SCN1A: variants seen among roughly 807,000 people sequenced by gnomAD.
SCN1A encodes the protein sodium voltage-gated channel alpha subunit 1.
Under a neutral mutation model 193.7 loss-of-function variants are expected in SCN1A, and 13 were observed. That is an observed-to-expected ratio of 0.07 (90% CI 0.04 to 0.11). The LOEUF is 0.11. SCN1A is among the 10% of genes least tolerant of loss of function. SCN1A has a pLI of 1.00. For synonymous variants in SCN1A, 781 were observed against 843.6 expected (o/e 0.93, Z 1.29); for missense variants, 1,432 against 2,451.1 (o/e 0.58, Z 8.78).
At chr2:166,020,288 C>T (rs1324478197) in intron 19 of SCN1A, among the ~76,000 whole-genome samples, 2 of 152,118 alleles carry the variant, frequency 1.3e-5, no homozygotes, top group Admixed American at 6.5e-5. Context: ...GTAATAATTG[C>T]TCTCTTATTT....
chr2:166,002,763 A>G lies in SCN1A; in HGVS notation c.4003-10T>C. On this transcript the variant is annotated splice_polypyrimidine_tract_variant and intron_variant, in intron 23 of 28. Coordinates refer to ENST00000674923, the MANE Select transcript of SCN1A (RefSeq NM_001165963.4). ...GGGCATTCACAACCACCTAATACAC[A>G]AATGGAAAAAAAGAAAAGTCAGAAT... The G allele has an allele frequency of 6.3e-7, 1 of 1,596,908 alleles. No homozygotes were observed. The highest frequency in any genetic ancestry group is 8.5e-7 in the Non-Finnish European group (1 of 1,173,906).
intron 3 of SCN1A, 98 bp from the exon 4 acceptor site, chr2:166,073,768 C>G: frequency 1.1e-6 from 1 of 900,478 alleles, no homozygotes; most frequent in Non-Finnish European, 1.6e-6. Context: ...GATTTAAAGT[C>G]TGTTTTCTCC....
At chr2:166,068,272 T>C (rs899672504) in intron 4 of SCN1A, among the ~76,000 whole-genome samples, 2 of 152,204 alleles carry the variant, frequency 1.3e-5, no homozygotes, top group Non-Finnish European at 2.9e-5. Flanking sequence ...CCTATAGATA[T>C]GGCAGATACT....
At chr2:166,075,841 T>C (rs1353985486) in intron 3 of SCN1A, among the ~76,000 whole-genome samples, 1 of 152,026 alleles carries the variant, frequency 6.6e-6, no homozygotes, top group Non-Finnish European at 1.5e-5. Flanking sequence ...TATCATATTT[T>C]TGATATTTCC....
At chr2:166,037,664 T>TTA (rs1696571769) in intron 18 of SCN1A, 112 bp downstream of exon 18, 4 of 944,954 alleles carry the variant, frequency 4.2e-6, no homozygotes, top group South Asian at 2.9e-5. Flanking sequence ...TCTTTTTTTT[T>TTA]ATTATACTTT....
Position 166,050,424 on chromosome 2 carries a change from C to T in SCN1A, c.964+1295G>A, listed in dbSNP as rs933113946. Among the ~76,000 whole-genome samples the T allele has an allele frequency of 2.0e-5, 3 of 150,366 alleles. No homozygotes were observed. The East Asian group carries it at 5.8e-4, about 29-fold the overall frequency. On this transcript the variant is annotated intron_variant, in intron 9 of 28. Coordinates refer to ENST00000674923, the MANE Select transcript of SCN1A (RefSeq NM_001165963.4). ...CTTCGAGTATTGGAAAAATGCAGTC[C>T]AATAAATTTTCCCTAGAGAGAATAA...
intron 1 of SCN1A, among the ~76,000 whole-genome samples, chr2:166,144,545 T>C (rs138793075): frequency 6.6e-6 from 1 of 151,950 alleles, no homozygotes; most frequent in African/African-American, 2.4e-5. Context: ...AAGCATATGA[T>C]ACGAATAAAT....
intron 5 of SCN1A, among the ~76,000 whole-genome samples, chr2:166,058,365 T>C (rs1011551057): frequency 8.6e-5 from 13 of 151,932 alleles, no homozygotes; most frequent in African/African-American, 2.7e-4. Context: ...TTATATATAA[T>C]ATATAAAATG....
chr2:166,087,174 A>G (rs1242090531), intron 2 of SCN1A, among the ~76,000 whole-genome samples: 1 of 151,746 alleles, frequency 6.6e-6, no homozygotes, highest in African/African-American at 2.4e-5. Context: ...TGAAAAAAAA[A>G]AAAAAAGAGC....
chr2:166,118,302 C>CTTTTTTT lies in SCN1A; in HGVS notation c.-142+8615_-142+8621dup, dbSNP rs61002916. 3.7e-5 allele frequency among the ~76,000 whole-genome samples: 3 copies of CTTTTTTT among 81,110 alleles called. 1 individual carries two copies. The highest frequency in any genetic ancestry group is 5.1e-5 in the African/African-American group (1 of 19,788). The allele number at this position is 81,110 out of a possible 152,430, so 53.2% of individuals were successfully genotyped here. On this transcript the variant is annotated intron_variant, in intron 2 of 28. Coordinates refer to ENST00000674923, the MANE Select transcript of SCN1A (RefSeq NM_001165963.4). Reference sequence around the variant, plus strand: ...TTGCTTACTGATTTCTATTTAGTTTCTTTTTTTTTTTTTTTTTTTTTTTTT... The same window carrying CTTTTTTT: ...TTGCTTACTGATTTCTATTTAGTTTCTTTTTTTTTTTTTTTTTTTTTTTTTTTTTTTT...
chr2:166,089,080 A>G (rs573911135), intron 2 of SCN1A, among the ~76,000 whole-genome samples: 1 of 152,308 alleles, frequency 6.6e-6, no homozygotes, highest in African/African-American at 2.4e-5. Flanking sequence ...CAGGTTTGTT[A>G]CATAGGTATA....
rs369178649 is a variant in SCN1A, at chr2:166,043,784, C to T, written c.1928G>A (p.Ser643Asn). 3.1e-6 allele frequency: 5 copies of T among 1,614,092 alleles called. No individual in the cohort carries two copies. Among genetic ancestry groups the T allele is most frequent in the African/African-American group, 1.3e-5 (1 of 74,928 alleles). Residue 643 changes from serine (S) to asparagine (N), a missense_variant, in exon 14 of 29, where the codon AGC (serine) becomes AAC (asparagine). Ser to Asn is a conservative substitution (Grantham distance 46). Around this residue, in one of 18 missense-constraint regions of SCN1A, gnomAD observed 316 missense variants for 362.1 expected, o/e 0.87. Coordinates refer to ENST00000674923, the MANE Select transcript of SCN1A (RefSeq NM_001165963.4). ...AACCACACCATTGCAATCCACAGTG[C>T]TGTGCATCTTCCCATTCGCTGGAAA... is the stretch of plus-strand genomic sequence containing the variant. ...AVFPANGKMH[S>N]TVDCNGVVSL...
chr2:166,002,878 T>C (rs1277987539), intron 23 of SCN1A, 125 bp from the exon 24 acceptor site: 1 of 781,716 alleles, frequency 1.3e-6, no homozygotes, highest in Non-Finnish European at 1.9e-6. Context: ...TTCTAGGATA[T>C]GTAAAAGCAA....
intron 2 of SCN1A, among the ~76,000 whole-genome samples, chr2:166,087,660 TA>T (rs796184148): frequency 1.1e-4 from 16 of 148,314 alleles, no homozygotes; most frequent in East Asian, 3.9e-4. Flanking sequence ...AACCTCTTTT[TA>T]AAAAAAAAAA....
At chr2:166,056,369 C>T in intron 6 of SCN1A, 42 bp downstream of exon 6, 1 of 1,231,018 alleles carries the variant, frequency 8.1e-7, no homozygotes, top group Non-Finnish European at 1.2e-6. Flanking sequence ...GTTTCAAAAT[C>T]CCAAATGTAT....
At chr2:166,015,921 C>T in intron 19 of SCN1A, 194 bp from the exon 20 acceptor site, 1 of 604,022 alleles carries the variant, frequency 1.7e-6, no homozygotes, top group East Asian at 3.2e-5. Context: ...CCATAATTCA[C>T]AATGTAAGCT....
intron 19 of SCN1A, 21 bp downstream of exon 19, chr2:166,036,027 C>T: frequency 1.2e-6 from 2 of 1,610,836 alleles, no homozygotes; most frequent in African/African-American, 1.3e-5. Context: ...TTCATACCTT[C>T]CCACACCTAT....
At chr2:166,119,614 AG>A (rs1384529428) in intron 2 of SCN1A, among the ~76,000 whole-genome samples, 2 of 152,200 alleles carry the variant, frequency 1.3e-5, no homozygotes, top group African/African-American at 4.8e-5. Context: ...TAGGTTACCA[AG>A]TAACATGATT....
chr2:166,020,569 TGTAA>T (rs941335469), intron 19 of SCN1A, among the ~76,000 whole-genome samples: 16 of 152,348 alleles, frequency 1.1e-4, no homozygotes, highest in African/African-American at 3.6e-4. Context: ...TCTAAAATAC[TGTAA>T]GTGTGTAATT....
Sources: gnomAD v4.1 joint callset for allele counts (sites outside exome capture counted in the v4.1 genomes callset) on GRCh38, gnomAD v4.1.1 for gene constraint, gnomAD v4.1.1 regional missense constraint, MANE v1.5 for transcripts, NCBI Gene and HGNC (gene_info 2026-07-23, HGNC 2026-07-21) for gene names.